Variants in SAMD5 observed in about 807,000 individuals in gnomAD.
SAMD5 encodes sterile alpha motif domain-containing protein 5.
SAMD5 carries 13 observed loss-of-function variants against 11.3 expected under a neutral mutation model. That is an observed-to-expected ratio of 1.15 (90% CI 0.75 to 1.83). SAMD5 has a LOEUF of 1.83. SAMD5 is among the 40% of genes most tolerant of loss of function. The pLI is 0.00. For synonymous variants in SAMD5, 129 were observed against 111.3 expected, an observed-to-expected ratio of 1.16 and a Z score of -1.00; for missense variants, 255 against 239.1, an observed-to-expected ratio of 1.07 and a Z score of -0.44.
chr6:147,605,174 A>G (rs1789681822), intron 1 of SAMD5, among the ~76,000 whole-genome samples: 1 of 152,158 alleles, frequency 6.6e-6, no homozygotes, highest in African/African-American at 2.4e-5. Flanking sequence ...GCTGGAGTGC[A>G]TGATCATATC....
At chr6:147,754,347 C>CT in the SAMD5 span, among the ~76,000 whole-genome samples, 6,084 of 130,606 alleles carry the variant, frequency 0.047, 367 homozygotes, top group African/African-American at 0.13. Flanking sequence ...ATTTGTATGT[C>CT]TTTTTTTTTT....
At chr6:147,807,748 G>C in the SAMD5 span, among the ~76,000 whole-genome samples, 33 of 152,200 alleles carry the variant, frequency 2.2e-4, 1 homozygote, top group East Asian at 6.2e-3. Flanking sequence ...AGAACCTTTC[G>C]TGTGTCTTAC....
At chr6:147,598,895 A>C (rs1789575630) in intron 1 of SAMD5, among the ~76,000 whole-genome samples, 2 of 152,214 alleles carry the variant, frequency 1.3e-5, no homozygotes, top group South Asian at 4.1e-4. Flanking sequence ...ATTCACTGGA[A>C]CTGAATATGC....
At chr6:147,763,016 A>T in the SAMD5 span, among the ~76,000 whole-genome samples, 6 of 152,180 alleles carry the variant, frequency 3.9e-5, no homozygotes, top group East Asian at 1.9e-4. Flanking sequence ...ACAAAATTTT[A>T]AAAAAAGCTT....
intron 1 of SAMD5, among the ~76,000 whole-genome samples, chr6:147,517,310 C>T (rs145226972): frequency 2.2e-4 from 33 of 152,184 alleles, no homozygotes; most frequent in Non-Finnish European, 4.4e-4. Flanking sequence ...GTGTTCTTTA[C>T]TAACAGGTGT....
At chr6:147,858,451 C>T in the SAMD5 span, among the ~76,000 whole-genome samples, 1 of 152,162 alleles carries the variant, frequency 6.6e-6, no homozygotes, top group African/African-American at 2.4e-5. Flanking sequence ...TAGTTTAGGG[C>T]CACTGGAGGC....
chr6:147,745,777 CTTTT>C, the SAMD5 span, among the ~76,000 whole-genome samples: 19 of 133,226 alleles, frequency 1.4e-4, no homozygotes, highest in Admixed American at 2.3e-4. Context: ...TTCTTTCTTT[CTTTT>C]TTTTTTTTTT....
intron 1 of SAMD5, among the ~76,000 whole-genome samples, chr6:147,713,643 G>A (rs1298993748): frequency 6.6e-6 from 1 of 152,158 alleles, no homozygotes; most frequent in Non-Finnish European, 1.5e-5. Context: ...GAGTGTTTGG[G>A]GGAAACTAGG....
chr6:147,566,245 G>A lies in SAMD5; in HGVS notation c.*1789G>A. 5.1e-6 allele frequency: 5 copies of A among 978,070 alleles called. No homozygotes were observed. Among genetic ancestry groups the A allele is most frequent in the Non-Finnish European group, 6.1e-6 (5 of 823,644 alleles). The allele number at this position is 978,070 out of a possible 1,614,324, so 60.6% of individuals were successfully genotyped here. On this transcript the variant is annotated 3_prime_UTR_variant, in exon 2 of 2. Coordinates refer to ENST00000367474, the MANE Select transcript of SAMD5 (RefSeq NM_001030060.3). Reference sequence around the variant, plus strand: ...TAGGTTGTCCTTAAATTATACAAAAGCTTTTAGTTTCATCAGGATTATATT... The same window carrying A: ...TAGGTTGTCCTTAAATTATACAAAAACTTTTAGTTTCATCAGGATTATATT...
chr6:147,630,492 G>A (rs1790132941), intron 1 of SAMD5, among the ~76,000 whole-genome samples: 1 of 152,004 alleles, frequency 6.6e-6, no homozygotes, highest in African/African-American at 2.4e-5. Context: ...ATTACCTAGT[G>A]GAATTCCTTC....
chr6:147,744,086 G>A, the SAMD5 span, among the ~76,000 whole-genome samples: 1 of 152,188 alleles, frequency 6.6e-6, no homozygotes, highest in African/African-American at 2.4e-5. Context: ...CCCAAGTCCA[G>A]TGCCTTTTCA....
At chr6:147,754,877 A>G in the SAMD5 span, among the ~76,000 whole-genome samples, 1 of 151,884 alleles carries the variant, frequency 6.6e-6, no homozygotes, top group African/African-American at 2.4e-5. Flanking sequence ...CTGTCAGTGT[A>G]TGGATTTGTT....
Position 147,730,074 on chromosome 6 carries a change from CAAAAAAAA to C in SAMD5, c.163-7232_163-7225del, listed in dbSNP as rs34624038. 15 of 308,302 alleles carry C rather than the reference CAAAAAAAA, an allele frequency of 4.9e-5. No homozygotes were observed. In the East Asian group the frequency reaches 5.3e-4, roughly 11 times the overall value. 19.1% of individuals were successfully genotyped at this position (308,302 alleles called of 1,614,324 possible). A position where few individuals can be genotyped will look rare whatever the true frequency, so the allele number is the denominator to read the frequency against. The stretch of plus-strand genomic sequence containing the variant: ...TACTCCAGCCTGGGTGACTCTGTCT[CAAAAAAAA>C]AAAAAAAAAAGAAAAGAAAAAAAGA... On this transcript the variant is annotated intron_variant, in intron 1 of 1. Coordinates refer to the SAMD5 transcript ENST00000566741.
the SAMD5 span, among the ~76,000 whole-genome samples, chr6:147,894,205 C>A: frequency 6.6e-6 from 1 of 150,986 alleles, no homozygotes; most frequent in Admixed American, 6.6e-5. Context: ...CTTACTGCAA[C>A]CTCCATCCCC....
rs935508370 is a variant in SAMD5 at position 147,564,032 on chromosome 6, G to A, written c.460-362G>A. ...TATTGACTATTGCTCTAGTACTAAC[G>A]TTGCTAACGTGTAGTACTGAGTAAT... On this transcript the variant is annotated intron_variant, in intron 1 of 1. Coordinates refer to ENST00000367474, the MANE Select transcript of SAMD5 (RefSeq NM_001030060.3). Among the ~76,000 whole-genome samples the A allele has an allele frequency of 3.3e-5, 5 of 152,258 alleles. No individual in the cohort carries two copies. In the South Asian group the frequency reaches 8.3e-4, roughly 25 times the overall value.
chr6:147,820,452 G>A, the SAMD5 span, among the ~76,000 whole-genome samples: 2 of 151,960 alleles, frequency 1.3e-5, no homozygotes, highest in Admixed American at 6.6e-5. Flanking sequence ...TTCTCACCTC[G>A]GTTCGATTTC....
At chr6:147,651,631 A>G (rs1790484876) in intron 1 of SAMD5, among the ~76,000 whole-genome samples, 1 of 152,176 alleles carries the variant, frequency 6.6e-6, no homozygotes, top group South Asian at 2.1e-4. Flanking sequence ...GAACCCAACC[A>G]TGCTGGCACC....
At chr6:147,646,625 A>G (rs1589738) in intron 1 of SAMD5, among the ~76,000 whole-genome samples, 80,984 of 151,998 alleles carry the variant, frequency 0.53, 23,147 homozygotes, top group South Asian at 0.72. Flanking sequence ...TTGTATAAAT[A>G]TATGCAGAAA....
At chr6:147,754,295 G>A in the SAMD5 span, among the ~76,000 whole-genome samples, 3 of 148,944 alleles carry the variant, frequency 2.0e-5, no homozygotes. Context: ...ATTTCTCATT[G>A]ATGACTAATG....
Sources: allele counts gnomAD v4.1 joint callset (sites outside exome capture counted in the v4.1 genomes callset), GRCh38; gene constraint gnomAD v4.1.1; transcripts MANE v1.5; gene names NCBI Gene and HGNC (gene_info 2026-07-23, HGNC 2026-07-21).